ZIM3: variants seen among roughly 807,000 people sequenced by gnomAD.
ZIM3 encodes zinc finger imprinted 3.
In ZIM3, 11 loss-of-function variants were observed where a neutral mutation model predicts 12.9. The ratio of observed to expected loss-of-function variants is 0.85; its 90% CI spans 0.54 to 1.41. ZIM3 has a LOEUF of 1.41. ZIM3 is among the 40% of genes most tolerant of loss of function. The pLI is 0.00. For missense variants in ZIM3, 604 were observed against 557.2 expected (o/e 1.08, Z -0.85); for synonymous variants, 205 against 198.5 (o/e 1.03, Z -0.28).
Position 57,138,419 on chromosome 19 carries a change from G to C in ZIM3, c.142+53C>G, listed in dbSNP as rs547669810. The C allele has an allele frequency of 6.2e-6, 10 of 1,613,042 alleles. No individual in the cohort carries two copies. The South Asian group carries it at 1.1e-4, about 18-fold the overall frequency. On this transcript the variant is annotated intron_variant, in intron 3 of 4. Transcript: ENST00000269834. The stretch of plus-strand genomic sequence containing the variant: ...CTATTTGGCCAGCCATGGGGTGTCT[G>C]TGTGTTTCACGCCTTAGGTTTTGAG...
intron 1 of ZIM3, 53 bp from the exon 2 acceptor site, chr19:57,142,738 G>A: frequency 2.8e-6 from 4 of 1,420,862 alleles, no homozygotes; most frequent in Non-Finnish European, 4.0e-6. Context: ...TTTGGAAGTT[G>A]GGGATCATCC....
intron 4 of ZIM3, among the ~76,000 whole-genome samples, 194 bp downstream of exon 4, chr19:57,136,679 A>AG (rs910743550): frequency 1.3e-5 from 2 of 150,716 alleles, no homozygotes; most frequent in African/African-American, 4.9e-5. Flanking sequence ...AAAAAAAAGA[A>AG]AAAAAAAAGA....
intron 1 of ZIM3, among the ~76,000 whole-genome samples, chr19:57,143,312 CAG>C (rs2086922903): frequency 6.9e-6 from 1 of 145,720 alleles, no homozygotes; most frequent in African/African-American, 2.6e-5. Context: ...GCCTGGGCGA[CAG>C]AGCGAGACTC....
At chr19:57,136,484 G>A (rs1328808039) in intron 4 of ZIM3, among the ~76,000 whole-genome samples, 4 of 151,790 alleles carry the variant, frequency 2.6e-5, no homozygotes, top group African/African-American at 7.2e-5. Context: ...CCAACATGGC[G>A]AAACCCTGTC....
chr19:57,143,022 C>T (rs375648991), intron 1 of ZIM3, among the ~76,000 whole-genome samples: 5 of 151,922 alleles, frequency 3.3e-5, no homozygotes, highest in East Asian at 3.9e-4. Flanking sequence ...GGTGAAACCC[C>T]GTCTCTACTA....
intron 3 of ZIM3, among the ~76,000 whole-genome samples, chr19:57,138,054 A>AG (rs2086897209): frequency 2.2e-5 from 1 of 45,738 alleles, no homozygotes; most frequent in African/African-American, 1.5e-4. Context: ...AAGGAAGGAA[A>AG]GAAGGAAGGA....
intron 4 of ZIM3, 138 bp from the exon 5 acceptor site, chr19:57,136,233 C>T (rs2122661421): frequency 1.3e-6 from 1 of 770,688 alleles, no homozygotes; most frequent in Non-Finnish European, 2.1e-6. Flanking sequence ...TTAATATAAG[C>T]TCTGTTAGAG....
At chr19:57,137,394 G>C (rs2086891604) in intron 3 of ZIM3, among the ~76,000 whole-genome samples, 1 of 151,620 alleles carries the variant, frequency 6.6e-6, no homozygotes, top group South Asian at 2.1e-4. Flanking sequence ...AGGCTGAGGT[G>C]GGAGGATGGC....
At chr19:57,142,530 G>T in intron 2 of ZIM3, 99 bp downstream of exon 2, 1 of 1,324,994 alleles carries the variant, frequency 7.5e-7, no homozygotes, top group Non-Finnish European at 1.1e-6. Context: ...AAGGAAGGAG[G>T]AAAATATGCC....
rs1438736381 is a variant in ZIM3, at chr19:57,135,522, AT to A, written c.814del (p.Ile272PhefsTer52). The A allele has an allele frequency of 6.2e-7, 1 of 1,613,820 alleles. No homozygotes were observed. Among genetic ancestry groups the A allele is most frequent in the Admixed American group, 1.7e-5 (1 of 59,968 alleles). ...WKSSCINHEKIHNAKKSYQCN... is the reference protein window; with the variant it reads ...WKSSCINHEKXHNAKKSYQCN... ...CTGATAGGATTTCTTGGCATTATGAATTTTCTCATGATTAATGCAGGATGAT... is the reference window on the plus strand; with the variant it reads ...CTGATAGGATTTCTTGGCATTATGAATTTCTCATGATTAATGCAGGATGAT... On this transcript the variant is annotated frameshift_variant, in exon 5 of 5. Coordinates refer to ENST00000269834, the MANE Select transcript of ZIM3 (RefSeq NM_052882.1). LOFTEE classifies it low-confidence loss of function (END_TRUNC).
Position 57,135,170 on chromosome 19 carries a change from C to A in ZIM3, c.1167G>T (p.Lys389Asn). Reference protein sequence around the residue: ...IQHKKIHTGEKPYECNRCGKA... With the variant: ...IQHKKIHTGENPYECNRCGKA... ...TTCCACATCTGTTACATTCATAGGG[C>A]TTTTCCCCAGTATGGATTTTTTTAT... The change falls in exon 5 of 5, where the codon AAG becomes AAT. Residue 389 changes from lysine (K) to asparagine (N), a missense_variant. By Grantham distance (94) the Lys-to-Asn change is moderately conservative. Transcript: ENST00000269834. The A allele has an allele frequency of 6.2e-7, 1 of 1,613,994 alleles. No individual in the cohort carries two copies. The highest frequency in any genetic ancestry group is 8.5e-7 in the Non-Finnish European group (1 of 1,179,946).
At position 57,142,698 on chromosome 19, in the gene ZIM3, G is replaced by A. The variant is rs2086918913; in HGVS notation, c.-42-13C>T. The A allele has an allele frequency of 3.1e-6, 5 of 1,594,236 alleles. No individual in the cohort carries two copies. Among genetic ancestry groups the A allele is most frequent in the South Asian group, 1.1e-5 (1 of 90,058 alleles). On this transcript the variant is annotated splice_polypyrimidine_tract_variant and intron_variant, in intron 1 of 4. Transcript: ENST00000269834. ...TGGGAAGGCAGATCTGAGGGAAAATGGAAAAGAACCATGAAATAGCAGAAT... is the reference window on the plus strand; with the variant it reads ...TGGGAAGGCAGATCTGAGGGAAAATAGAAAAGAACCATGAAATAGCAGAAT...
chr19:57,139,956 C>G (rs1599923123), intron 2 of ZIM3, among the ~76,000 whole-genome samples: 1 of 152,128 alleles, frequency 6.6e-6, no homozygotes, highest in South Asian at 2.1e-4. Flanking sequence ...ACAGCACTCC[C>G]CTGGGTCTCT....
At chr19:57,137,890 A>G (rs867473080) in intron 3 of ZIM3, among the ~76,000 whole-genome samples, 234 of 22,288 alleles carry the variant, frequency 0.01, 3 homozygotes, top group African/African-American at 0.041. Context: ...AAGGAAGGAA[A>G]GAAGGAAGGA....
At chr19:57,138,232 C>T (rs2122664905) in intron 3 of ZIM3, among the ~76,000 whole-genome samples, 1 of 152,266 alleles carries the variant, frequency 6.6e-6, no homozygotes, top group East Asian at 1.9e-4. Context: ...GCAGGGCACC[C>T]AGCCCACAAA....
intron 2 of ZIM3, among the ~76,000 whole-genome samples, chr19:57,140,233 G>A (rs965989348): frequency 5.3e-5 from 8 of 152,242 alleles, no homozygotes; most frequent in South Asian, 2.1e-4. Flanking sequence ...CTGGAGTGCA[G>A]TGGCACAATC....
At chr19:57,139,721 T>C (rs1459361095) in intron 2 of ZIM3, among the ~76,000 whole-genome samples, 2 of 152,130 alleles carry the variant, frequency 1.3e-5, no homozygotes, top group African/African-American at 2.4e-5. Flanking sequence ...TGAGACTCCA[T>C]CTCAAATAAA....
intron 2 of ZIM3, among the ~76,000 whole-genome samples, chr19:57,140,624 A>G (rs2086909594): frequency 6.6e-6 from 1 of 151,986 alleles, no homozygotes; most frequent in South Asian, 2.1e-4. Context: ...ACAGGCATGC[A>G]CCACCATGCT....
In ZIM3 at chr19:57,134,262, T is replaced by C. The variant is rs547149361; in HGVS notation, c.*656A>G. On this transcript the variant is annotated 3_prime_UTR_variant, in exon 5 of 5. Transcript: ENST00000269834. The stretch of plus-strand genomic sequence containing the variant: ...AATCATCCCTAAAAGTATAAAGTGC[T>C]GTCTTATTTGTTTATTTTATTTTAT... The C allele has an allele frequency of 6.6e-6, 1 of 152,258 alleles. No homozygotes were observed. Among genetic ancestry groups the C allele is most frequent in the South Asian group, 2.1e-4 (1 of 4,834 alleles). The allele number at this position is 152,258 out of a possible 1,614,324, so 9.4% of individuals were successfully genotyped here. A position where few individuals can be genotyped will look rare whatever the true frequency, so the allele number is the denominator to read the frequency against.
Sources: gnomAD v4.1 joint callset for allele counts (sites outside exome capture counted in the v4.1 genomes callset) on GRCh38, gnomAD v4.1.1 for gene constraint, MANE v1.5 for transcripts, NCBI Gene and HGNC (gene_info 2026-07-23, HGNC 2026-07-21) for gene names.